Variants in DSCAM observed in about 807,000 individuals in gnomAD.
DSCAM encodes the protein cell adhesion molecule DSCAM.
DSCAM carries 47 observed loss-of-function variants against 217.7 expected under a neutral mutation model. That is an observed-to-expected ratio of 0.22 (90% CI 0.17 to 0.28). The LOEUF is 0.28. Ranked by LOEUF, DSCAM falls within the 10% of genes least tolerant of loss-of-function variation. DSCAM has a pLI of 1.00. For synonymous variants in DSCAM, 1,056 were observed against 1,015.3 expected (o/e 1.04, Z -0.76); for missense variants, 2,080 against 2,618.3 (o/e 0.79, Z 4.49).
intron 3 of DSCAM, among the ~76,000 whole-genome samples, chr21:40,628,243 A>G (rs1344762743): frequency 6.6e-6 from 1 of 152,192 alleles, no homozygotes; most frequent in Non-Finnish European, 1.5e-5. Context: ...GAATCCTAAC[A>G]GTTGGGATCA....
intron 3 of DSCAM, among the ~76,000 whole-genome samples, chr21:40,579,925 C>T (rs576859133): frequency 1.2e-4 from 18 of 152,116 alleles, no homozygotes; most frequent in East Asian, 3.9e-4. Context: ...TTGTGAGCCA[C>T]GTGGTGGCCC....
intron 11 of DSCAM, among the ~76,000 whole-genome samples, chr21:40,205,601 T>C (rs368093694): frequency 1.5e-4 from 14 of 94,294 alleles, no homozygotes; most frequent in South Asian, 6.0e-4. Context: ...AGACTCTATC[T>C]CAAAAAAAAA....
chr21:40,171,469 A>G (rs565249448), intron 15 of DSCAM, among the ~76,000 whole-genome samples: 21 of 152,260 alleles, frequency 1.4e-4, no homozygotes, highest in African/African-American at 3.9e-4. Flanking sequence ...TAAGAATGTA[A>G]CAGCTTTATT....
chr21:40,449,953 A>T (rs2075705485), intron 3 of DSCAM, among the ~76,000 whole-genome samples: 1 of 152,220 alleles, frequency 6.6e-6, no homozygotes, highest in African/African-American at 2.4e-5. Context: ...CAAAGGCAGA[A>T]ATAAAATTTA....
intron 1 of DSCAM, among the ~76,000 whole-genome samples, chr21:40,809,996 G>A (rs2123537884): frequency 6.6e-6 from 1 of 152,314 alleles, no homozygotes; most frequent in African/African-American, 2.4e-5. Context: ...AGGCGAGATG[G>A]CAGTGTCGCT....
chr21:40,611,098 G>C (rs9980265), intron 3 of DSCAM, among the ~76,000 whole-genome samples: 1 of 134,634 alleles, frequency 7.4e-6, no homozygotes, highest in African/African-American at 2.8e-5. Flanking sequence ...TCACCGTGTC[G>C]TCCAGGCTGG....
At chr21:40,845,540 CCTCTCTCTCTCTCT>C (rs71332310) in intron 1 of DSCAM, among the ~76,000 whole-genome samples, 3 of 138,888 alleles carry the variant, frequency 2.2e-5, no homozygotes, top group Middle Eastern at 3.2e-3. Context: ...CTCTTCTTCT[CCTCTCTCTCTCTCT>C]CTCTCTCTCT....
chr21:40,490,441 T>C (rs1248387021), intron 3 of DSCAM, among the ~76,000 whole-genome samples: 1 of 152,218 alleles, frequency 6.6e-6, no homozygotes, highest in East Asian at 1.9e-4. Flanking sequence ...TACATGGATG[T>C]TGAAATATTA....
rs570100437 is a variant in DSCAM at position 40,147,187 on chromosome 21, G to T, written c.3019-2456C>A. ...CACAGTATGGGGGCTGTGGAGTCAG[G>T]TCAAGAAGAGTAGACAGTAAAGTCA... On this transcript the variant is annotated intron_variant, in intron 16 of 32. Transcript: ENST00000400454. Among the ~76,000 whole-genome samples, 40 of 152,330 alleles carry T rather than the reference G, an allele frequency of 2.6e-4. No homozygotes were observed. In the South Asian group the frequency reaches 7.9e-3, roughly 30 times the overall value.
At chr21:40,375,199 AACACTGTACC>A (rs2074937869) in intron 3 of DSCAM, among the ~76,000 whole-genome samples, 1 of 152,132 alleles carries the variant, frequency 6.6e-6, no homozygotes, top group Non-Finnish European at 1.5e-5. Flanking sequence ...TTCCTCCCTC[AACACTGTACC>A]ACACACATCT....
intron 3 of DSCAM, among the ~76,000 whole-genome samples, chr21:40,403,664 A>C (rs1235269765): frequency 2.9e-5 from 4 of 136,984 alleles, no homozygotes; most frequent in East Asian, 2.1e-4. Flanking sequence ...CACACACACA[A>C]TACACATGCC....
At chr21:40,522,852 G>A (rs1044052623) in intron 3 of DSCAM, among the ~76,000 whole-genome samples, 23 of 152,274 alleles carry the variant, frequency 1.5e-4, no homozygotes, top group African/African-American at 5.5e-4. Flanking sequence ...TCAGGGCAGG[G>A]AAGGCAGAAG....
chr21:40,758,874 C>A (rs11910435), intron 1 of DSCAM, among the ~76,000 whole-genome samples: 5,384 of 152,238 alleles, frequency 0.035, 328 homozygotes, highest in African/African-American at 0.12. Context: ...CATGCCCTGA[C>A]AGATGATACA....
In DSCAM at chr21:40,036,684, G is replaced by C. The variant is rs1234815780; in HGVS notation, c.5686+5687C>G. Among the ~76,000 whole-genome samples, 3 of 146,332 alleles carry C rather than the reference G, an allele frequency of 2.1e-5. 1 individual carries two copies. Among genetic ancestry groups the C allele is most frequent in the Non-Finnish European group, 1.5e-5 (1 of 67,500 alleles). On this transcript the variant is annotated intron_variant, in intron 32 of 32. Coordinates refer to ENST00000400454, the MANE Select transcript of DSCAM (RefSeq NM_001389.5). ...CATTTTATGAGGCCAGCATCATTCT[G>C]ATACCAAAGCCAGGCAGAGACACAA...
intron 21 of DSCAM, among the ~76,000 whole-genome samples, chr21:40,089,758 G>T (rs980992672): frequency 1.3e-5 from 2 of 152,020 alleles, no homozygotes; most frequent in Non-Finnish European, 2.9e-5. Flanking sequence ...CTGCCCAACT[G>T]ACTGTCTGCT....
intron 3 of DSCAM, chr21:40,382,942 A>G (rs2837595): frequency 0.48 from 73,036 of 152,146 alleles, 17,863 homozygotes; most frequent in South Asian, 0.64. Context: ...AAGGAAAGGA[A>G]ACATACCATA....
intron 3 of DSCAM, among the ~76,000 whole-genome samples, chr21:40,478,770 A>C (rs1308010696): frequency 6.6e-6 from 1 of 152,170 alleles, no homozygotes. Flanking sequence ...AAGACCCCCA[A>C]TGGATGCCTG....
At chr21:40,033,200 G>T (rs61404590) in intron 32 of DSCAM, among the ~76,000 whole-genome samples, 5 of 152,154 alleles carry the variant, frequency 3.3e-5, no homozygotes, top group Admixed American at 2.6e-4. Context: ...AACAGCTCCC[G>T]TCTACAGCTC....
intron 32 of DSCAM, among the ~76,000 whole-genome samples, chr21:40,033,595 G>A (rs577964534): frequency 6.6e-6 from 1 of 151,680 alleles, no homozygotes; most frequent in African/African-American, 2.4e-5. Context: ...GTGAGGCTGG[G>A]GGAGGGGGGC....
Sources: gnomAD v4.1 joint callset for allele counts (sites outside exome capture counted in the v4.1 genomes callset) on GRCh38, gnomAD v4.1.1 for gene constraint, MANE v1.5 for transcripts, NCBI Gene and HGNC (gene_info 2026-07-23, HGNC 2026-07-21) for gene names.